Variants in TMEM212 observed in about 807,000 individuals in gnomAD.
The protein encoded by TMEM212 is transmembrane protein 212.
In TMEM212, 23 loss-of-function variants were observed where a neutral mutation model predicts 20.5. The observed-to-expected ratio is 1.12, with a 90% CI of 0.81 to 1.59. The LOEUF (loss-of-function observed/expected upper bound fraction) is 1.59, where lower values mean the gene tolerates loss of function less well. TMEM212 is among the 40% of genes most tolerant of loss of function. The pLI, the probability that TMEM212 is intolerant of heterozygous loss-of-function variation, is 0.00. For missense variants in TMEM212, 211 were observed against 215.0 expected, an observed-to-expected ratio of 0.98 and a Z score of 0.12; for synonymous variants, 76 against 81.6, an observed-to-expected ratio of 0.93 and a Z score of 0.37.
Position 171,843,519 on chromosome 3 carries a change from T to C in TMEM212, c.136T>C (p.Cys46Arg). Residue 46 changes from cysteine to arginine, a missense_variant, in exon 1 of 5, where the codon TGT becomes CGT. By Grantham distance (180) the Cys-to-Arg change is radical. Transcript: ENST00000334567. The stretch of plus-strand genomic sequence containing the variant: ...CACAGGATGGAGTGTTCGAATTGCT[T>C]GTCCTATCTGGAATGGAGCTTTGGT... ...WFTGWSVRIA[C>R]PIWNGALAIT... is the part of the protein sequence containing the mutation. 2 of 1,535,984 alleles carry C rather than the reference T, an allele frequency of 1.3e-6. No homozygotes were observed. The highest frequency in any genetic ancestry group is 1.7e-6 in the Non-Finnish European group (2 of 1,146,298).
intron 3 of TMEM212, among the ~76,000 whole-genome samples, chr3:171,855,871 C>T (rs1264710126): frequency 6.6e-6 from 1 of 152,076 alleles, no homozygotes; most frequent in African/African-American, 2.4e-5. Context: ...ATAGTGGGAG[C>T]ATAAAATACA....
rs1725036816 is a variant in TMEM212 at position 171,853,517 on chromosome 3, T to C, written c.220-10T>C. The C allele has an allele frequency of 2.0e-6, 3 of 1,527,856 alleles. No homozygotes were observed. The highest frequency in any genetic ancestry group is 2.6e-6 in the Non-Finnish European group (3 of 1,142,142). The allele number at this position is 1,527,856 out of a possible 1,614,324, so 94.6% of individuals were successfully genotyped here. On this transcript the variant is annotated splice_polypyrimidine_tract_variant and intron_variant, in intron 2 of 4. Transcript: ENST00000334567. ...CCCAAAGTAACAATTTATTTTTGCT[T>C]TATTTTCAGGGGGAAGCTACTTTCA...
chr3:171,855,006 G>C (rs536830352), intron 3 of TMEM212, among the ~76,000 whole-genome samples: 1 of 152,272 alleles, frequency 6.6e-6, no homozygotes, highest in South Asian at 2.1e-4. Context: ...AGTTGGCTAT[G>C]ATTAAGAAGA....
chr3:171,852,095 C>T (rs1724989889), intron 2 of TMEM212, 54 bp downstream of exon 2: 2 of 1,342,806 alleles, frequency 1.5e-6, no homozygotes, highest in African/African-American at 2.9e-5. Flanking sequence ...GGTCAAATCA[C>T]TACTAAGTTC....
intron 1 of TMEM212, among the ~76,000 whole-genome samples, chr3:171,848,607 T>TAGAATAGAATAGAAC (rs1355773701): frequency 6.8e-6 from 1 of 147,424 alleles, no homozygotes; most frequent in Non-Finnish European, 1.5e-5. Context: ...TAGAATAGAA[T>TAGAATAGAATAGAAC]AGAACAGAGG....
At chr3:171,846,292 T>C (rs192036062) in intron 1 of TMEM212, among the ~76,000 whole-genome samples, 1 of 152,356 alleles carries the variant, frequency 6.6e-6, no homozygotes, top group Non-Finnish European at 1.5e-5. Context: ...TTTGCTCCCA[T>C]TACACTATTT....
rs186592137 is a variant in TMEM212 at position 171,849,784 on chromosome 3, G to A, written c.160-2198G>A. Among the ~76,000 whole-genome samples, 191 of 152,286 alleles carry A rather than the reference G, an allele frequency of 1.3e-3. 1 individual carries two copies. The highest frequency in any genetic ancestry group is 4.5e-3 in the African/African-American group (188 of 41,560). On this transcript the variant is annotated intron_variant, in intron 1 of 4. Coordinates refer to ENST00000334567, the MANE Select transcript of TMEM212 (RefSeq NM_001164436.2). ...TAGGCAATTTAAAGATTTAGTGGGAGGGTTCACAATGATCATGCAATCAAA... is the reference window on the plus strand; with the variant it reads ...TAGGCAATTTAAAGATTTAGTGGGAAGGTTCACAATGATCATGCAATCAAA...
chr3:171,856,847 G>A (rs909942314), intron 4 of TMEM212, 140 bp downstream of exon 4: 5 of 432,528 alleles, frequency 1.2e-5, no homozygotes, highest in Non-Finnish European at 2.1e-5. Flanking sequence ...TTATTAAAAT[G>A]GGTACTGCAT....
chr3:171,846,106 C>T (rs1724825957), intron 1 of TMEM212, among the ~76,000 whole-genome samples: 1 of 152,138 alleles, frequency 6.6e-6, no homozygotes, highest in Non-Finnish European at 1.5e-5. Context: ...CCTTAGGTCA[C>T]TTCTCTCCCA....
intron 1 of TMEM212, among the ~76,000 whole-genome samples, chr3:171,845,591 A>T (rs559636004): frequency 6.6e-6 from 1 of 152,310 alleles, no homozygotes; most frequent in African/African-American, 2.4e-5. Flanking sequence ...ATCTATTTTT[A>T]CCAGTTAGGC....
At chr3:171,851,183 A>T (rs1208984313) in intron 1 of TMEM212, among the ~76,000 whole-genome samples, 1 of 152,222 alleles carries the variant, frequency 6.6e-6, no homozygotes, top group Non-Finnish European at 1.5e-5. Flanking sequence ...AGAACAAATG[A>T]TATATGCGGA....
chr3:171,845,240 G>A (rs184144797), intron 1 of TMEM212, among the ~76,000 whole-genome samples: 494 of 152,198 alleles, frequency 3.2e-3, no homozygotes, highest in Admixed American at 7.7e-3. Flanking sequence ...GACCCAGAAT[G>A]TACATAAATA....
intron 1 of TMEM212, among the ~76,000 whole-genome samples, chr3:171,851,639 T>C (rs73032464): frequency 0.011 from 1,672 of 152,310 alleles, 35 homozygotes; most frequent in African/African-American, 0.038. Context: ...AGGTGAACGA[T>C]AGACATTTAA....
At chr3:171,856,810 G>T (rs984234055) in intron 4 of TMEM212, 103 bp downstream of exon 4, 31 of 448,672 alleles carry the variant, frequency 6.9e-5, no homozygotes, top group African/African-American at 4.8e-4. Context: ...TTTATATAAG[G>T]TAGTTGAACT....
At chr3:171,850,264 CA>C (rs1724946729) in intron 1 of TMEM212, among the ~76,000 whole-genome samples, 1 of 152,140 alleles carries the variant, frequency 6.6e-6, no homozygotes, top group Non-Finnish European at 1.5e-5. Flanking sequence ...GTGGATTTAA[CA>C]AGTTACTGAA....
At chr3:171,857,715 G>C (rs1725152836) in intron 4 of TMEM212, among the ~76,000 whole-genome samples, 1 of 152,134 alleles carries the variant, frequency 6.6e-6, no homozygotes, top group East Asian at 1.9e-4. Flanking sequence ...ATTTTAAAAT[G>C]GGCAAATGAC....
At position 171,853,627 on chromosome 3, in the gene TMEM212, A is replaced by T; in HGVS notation, c.320A>T (p.Tyr107Phe). The T allele has an allele frequency of 1.3e-6, 2 of 1,537,330 alleles. No individual in the cohort carries two copies. Among genetic ancestry groups the T allele is most frequent in the Non-Finnish European group, 1.7e-6 (2 of 1,146,894 alleles). The change falls in exon 3 of 5, where the codon TAT becomes TTT. Residue 107 changes from tyrosine to phenylalanine, a missense_variant. Physicochemically the swap from Tyr to Phe is conservative, Grantham distance 22. Transcript: ENST00000334567. ...GCTCTCCTGGGCCCATATTGCTTCT[A>T]TTCATTTTCAGGGATTGCAGGGACT... ...ESALLGPYCF[Y>F]SFSGIAGTNY...
Position 171,853,170 on chromosome 3 carries a change from C to T in TMEM212, c.220-357C>T, listed in dbSNP as rs142167569. Reference sequence around the variant, plus strand: ...TCTGGTGTAGATTGAAAATGAAAGGCGGCAGGAGGGAGAGCATCAGGAAGA... The same window carrying T: ...TCTGGTGTAGATTGAAAATGAAAGGTGGCAGGAGGGAGAGCATCAGGAAGA... On this transcript the variant is annotated intron_variant, in intron 2 of 4. Coordinates refer to ENST00000334567, the MANE Select transcript of TMEM212 (RefSeq NM_001164436.2). Among the ~76,000 whole-genome samples the T allele has an allele frequency of 3.0e-3, 457 of 150,320 alleles. 7 individuals are homozygous for T. The highest frequency in any genetic ancestry group is 0.01 in the African/African-American group (427 of 40,804).
intron 1 of TMEM212, among the ~76,000 whole-genome samples, chr3:171,850,751 G>A (rs1724958689): frequency 1.3e-5 from 2 of 152,172 alleles, no homozygotes; most frequent in Admixed American, 1.3e-4. Flanking sequence ...GACTACAGAT[G>A]GTTCTGTTTT....
Sources: gnomAD v4.1 joint callset for allele counts (sites outside exome capture counted in the v4.1 genomes callset) on GRCh38, gnomAD v4.1.1 for gene constraint, MANE v1.5 for transcripts, NCBI Gene and HGNC (gene_info 2026-07-23, HGNC 2026-07-21) for gene names.